ADAM9: variants seen among roughly 807,000 people sequenced by gnomAD.
ADAM9 encodes the protein ADAM metallopeptidase domain 9, also known as disintegrin and metalloproteinase domain-containing protein 9.
ADAM9 carries 54 observed loss-of-function variants against 108.1 expected under a neutral mutation model. The observed-to-expected ratio is 0.50, with a 90% CI of 0.40 to 0.63. The LOEUF (loss-of-function observed/expected upper bound fraction) is 0.63. ADAM9 is among the 20% of genes least tolerant of loss of function. ADAM9 has a pLI of 0.00. For synonymous variants in ADAM9, 316 were observed against 336.0 expected (o/e 0.94, Z 0.65); for missense variants, 830 against 997.7 (o/e 0.83, Z 2.26).
chr8:39,002,028 A>G (rs2129431141), intron 1 of ADAM9, among the ~76,000 whole-genome samples: 1 of 144,946 alleles, frequency 6.9e-6, no homozygotes, highest in South Asian at 2.1e-4. Flanking sequence ...GAATACTAGA[A>G]TGATTAAAAA....
Position 39,103,817 on chromosome 8 carries a change from A to G in ADAM9, c.*117A>G. The stretch of plus-strand genomic sequence containing the variant: ...CAACTATGAATGAAAACAAAACACC[A>G]CAAAACAGACTTCACTAACACAGAA... On this transcript the variant is annotated 3_prime_UTR_variant, in exon 22 of 22. Coordinates refer to ENST00000487273, the MANE Select transcript of ADAM9 (RefSeq NM_003816.3). 1.1e-6 allele frequency: 1 copy of G among 943,646 alleles called. No individual in the cohort carries two copies. Among genetic ancestry groups the G allele is most frequent in the Non-Finnish European group, 1.7e-6 (1 of 593,592 alleles). The allele number at this position is 943,646 out of a possible 1,614,324, so 58.5% of individuals were successfully genotyped here.
At chr8:39,088,118 G>GAGT (rs1179611959) in intron 18 of ADAM9, among the ~76,000 whole-genome samples, 3 of 152,110 alleles carry the variant, frequency 2.0e-5, no homozygotes, top group Admixed American at 6.5e-5. Flanking sequence ...TGAGGAGGAG[G>GAGT]AGGAAGAGGA....
intron 9 of ADAM9, among the ~76,000 whole-genome samples, chr8:39,023,898 C>T (rs1836836803): frequency 6.6e-6 from 1 of 151,934 alleles, no homozygotes; most frequent in African/African-American, 2.4e-5. Context: ...AGGTGCCTGC[C>T]CCCACACCTG....
intron 15 of ADAM9, chr8:39,075,942 G>C (rs974772669): frequency 6.6e-6 from 1 of 152,196 alleles, no homozygotes; most frequent in African/African-American, 2.4e-5. Context: ...TAAATGTAAA[G>C]TTGGGACAAA....
chr8:39,057,101 G>T (rs1410116390), intron 14 of ADAM9, among the ~76,000 whole-genome samples: 1 of 152,042 alleles, frequency 6.6e-6, no homozygotes, highest in Non-Finnish European at 1.5e-5. Context: ...ACAGTATTTA[G>T]TACAGTGACA....
intron 12 of ADAM9, among the ~76,000 whole-genome samples, chr8:39,047,647 C>G (rs1407855264): frequency 6.6e-6 from 1 of 152,016 alleles, no homozygotes; most frequent in Non-Finnish European, 1.5e-5. Flanking sequence ...TGTCTCCTTT[C>G]TCATTTCTGA....
At chr8:39,045,488 GCGTGTGTATACATA>G (rs1837724224) in intron 12 of ADAM9, among the ~76,000 whole-genome samples, 1 of 149,188 alleles carries the variant, frequency 6.7e-6, no homozygotes, top group Non-Finnish European at 1.5e-5. Context: ...ACCTATATGT[GCGTGTGTATACATA>G]TGTGTGTGTA....
chr8:39,013,848 CT>C, intron 3 of ADAM9, 116 bp from the exon 4 acceptor site: 1 of 818,570 alleles, frequency 1.2e-6, no homozygotes, highest in Non-Finnish European at 2.1e-6. Context: ...AATAATTTAT[CT>C]GGTGAAAGTT....
intron 3 of ADAM9, 21 bp from the exon 4 acceptor site, chr8:39,013,944 G>A (rs763041780): frequency 1.3e-5 from 21 of 1,566,982 alleles, no homozygotes; most frequent in East Asian, 2.2e-5. Context: ...ATATATAAAC[G>A]GTGTTTTATT....
intron 7 of ADAM9, 55 bp from the exon 8 acceptor site, chr8:39,021,588 A>C: frequency 6.5e-7 from 1 of 1,529,150 alleles, no homozygotes; most frequent in Non-Finnish European, 9.1e-7. Flanking sequence ...CCGGCCTTAC[A>C]TTTCTATTCT....
intron 3 of ADAM9, 58 bp from the exon 4 acceptor site, chr8:39,013,907 G>A (rs533862332): frequency 5.7e-5 from 75 of 1,307,032 alleles, no homozygotes; most frequent in East Asian, 1.8e-4. Context: ...CTTATGAATC[G>A]TGTCCTTAGT....
At position 38,998,467 on chromosome 8, in the gene ADAM9, C is replaced by G. The variant is rs563526495; in HGVS notation, c.97+1307C>G. ...GTTAATATAAATTGTCAGTCATTAC[C>G]GACCTGCATTAGGTGAGTGGAATAT... On this transcript the variant is annotated intron_variant, in intron 1 of 21. Coordinates refer to ENST00000487273, the MANE Select transcript of ADAM9 (RefSeq NM_003816.3). Among the ~76,000 whole-genome samples the G allele has an allele frequency of 2.0e-4, 30 of 152,166 alleles. No individual in the cohort carries two copies. The East Asian group carries it at 4.8e-3, about 24-fold the overall frequency.
intron 1 of ADAM9, among the ~76,000 whole-genome samples, chr8:39,002,564 G>A (rs1004225841): frequency 1.3e-5 from 2 of 151,250 alleles, no homozygotes; most frequent in Admixed American, 1.3e-4. Flanking sequence ...CTCGTGATCC[G>A]CCTGCCTCGG....
chr8:39,054,925 T>G (rs898633157), intron 13 of ADAM9, among the ~76,000 whole-genome samples: 1 of 152,086 alleles, frequency 6.6e-6, no homozygotes, highest in Non-Finnish European at 1.5e-5. Flanking sequence ...TATAATCACG[T>G]TTTTTCTATA....
intron 12 of ADAM9, among the ~76,000 whole-genome samples, chr8:39,050,500 G>A (rs59814883): frequency 0.41 from 61,682 of 150,154 alleles, 13,418 homozygotes; most frequent in East Asian, 0.73. Flanking sequence ...CCGACTTTGA[G>A]TTTGTTGAAT....
chr8:39,100,753 T>C (rs1356005504), intron 20 of ADAM9, among the ~76,000 whole-genome samples: 1 of 152,228 alleles, frequency 6.6e-6, no homozygotes, highest in African/African-American at 2.4e-5. Flanking sequence ...CACTGTGCAT[T>C]CTCTGCCAGT....
At position 39,062,783 on chromosome 8, in the gene ADAM9, C is replaced by T. The variant is rs184438755; in HGVS notation, c.1591+7011C>T. ...GCTTTTCAAGGATGCTAGGCCTCCC[C>T]TTACAAATTTATTTCTTACAGTCTT... On this transcript the variant is annotated intron_variant, in intron 14 of 21. Coordinates refer to ENST00000487273, the MANE Select transcript of ADAM9 (RefSeq NM_003816.3). Among the ~76,000 whole-genome samples the T allele has an allele frequency of 1.9e-3, 293 of 152,308 alleles. 1 individual carries two copies. The highest frequency in any genetic ancestry group is 6.7e-3 in the African/African-American group (278 of 41,566).
intron 11 of ADAM9, among the ~76,000 whole-genome samples, chr8:39,030,723 T>C (rs1267256707): frequency 6.6e-6 from 1 of 152,244 alleles, no homozygotes. Flanking sequence ...CAACAGTGAA[T>C]GAGAATTGCT....
chr8:39,016,309 T>A (rs969622841), intron 5 of ADAM9, 115 bp downstream of exon 5: 1 of 872,290 alleles, frequency 1.1e-6, no homozygotes, highest in Non-Finnish European at 1.9e-6. Flanking sequence ...GAATTTACTT[T>A]GATGTTACTG....
Sources: gnomAD v4.1 joint callset for allele counts (sites outside exome capture counted in the v4.1 genomes callset) on GRCh38, gnomAD v4.1.1 for gene constraint, MANE v1.5 for transcripts, NCBI Gene and HGNC (gene_info 2026-07-23, HGNC 2026-07-21) for gene names.